Variants in CPA6 observed in about 807,000 individuals in gnomAD.
The protein encoded by CPA6 is carboxypeptidase B.
In CPA6, 58 loss-of-function variants were observed where a neutral mutation model predicts 63.3. The ratio of observed to expected loss-of-function variants is 0.92; its 90% CI spans 0.74 to 1.14. The LOEUF is 1.14. CPA6 is among the 50% of genes most tolerant of loss of function. The pLI is 0.00. For missense variants in CPA6, 565 were observed against 526.6 expected (o/e 1.07, Z -0.71); for synonymous variants, 185 against 179.0 (o/e 1.03, Z -0.27).
chr8:67,504,419 T>C (rs1423456246), intron 6 of CPA6, among the ~76,000 whole-genome samples: 5 of 152,186 alleles, frequency 3.3e-5, no homozygotes, highest in Admixed American at 6.6e-5. Flanking sequence ...GCAAAAGTGA[T>C]ATGAGGTCAC....
chr8:67,607,134 T>C lies in CPA6; in HGVS notation c.192+17042A>G, dbSNP rs868089896. Among the ~76,000 whole-genome samples the C allele has an allele frequency of 2.5e-4, 10 of 39,388 alleles. 1 individual carries two copies. Among genetic ancestry groups the C allele is most frequent in the East Asian group, 1.5e-3 (1 of 686 alleles). 25.8% of individuals were successfully genotyped at this position (39,388 alleles called of 152,430 possible). On this transcript the variant is annotated intron_variant, in intron 2 of 10. Coordinates refer to ENST00000297770, the MANE Select transcript of CPA6 (RefSeq NM_020361.5). ...CTCCTCCTCCTCCTCCTCCTCCTCCTCCCCCTCCTCCCCCCCCTCCTCTTC... is the reference window on the plus strand; with the variant it reads ...CTCCTCCTCCTCCTCCTCCTCCTCCCCCCCCTCCTCCCCCCCCTCCTCTTC...
intron 2 of CPA6, among the ~76,000 whole-genome samples, chr8:67,550,811 G>A (rs192508272): frequency 7.2e-5 from 11 of 152,148 alleles, no homozygotes; most frequent in East Asian, 3.9e-4. Context: ...ATTTTTTCAC[G>A]TGTTTGTTGG....
chr8:67,575,967 G>C (rs1332169423), intron 2 of CPA6, among the ~76,000 whole-genome samples: 1 of 152,142 alleles, frequency 6.6e-6, no homozygotes, highest in East Asian at 1.9e-4. Flanking sequence ...GTTCTCACTT[G>C]ATTTTGGTAT....
chr8:67,594,290 G>A (rs561737559), intron 2 of CPA6, among the ~76,000 whole-genome samples: 3,405 of 152,118 alleles, frequency 0.022, 62 homozygotes, highest in African/African-American at 0.05. Flanking sequence ...TGGGTAACCC[G>A]ACCTTTCTCT....
chr8:67,713,099 G>GTATATATATATATATA (rs67842734), intron 1 of CPA6, among the ~76,000 whole-genome samples: 8 of 55,022 alleles, frequency 1.5e-4, no homozygotes, highest in African/African-American at 3.7e-4. Context: ...GTGTGTGTGT[G>GTATATATATATATATA]TATATATATA....
intron 2 of CPA6, among the ~76,000 whole-genome samples, chr8:67,592,618 G>A (rs540502641): frequency 6.6e-6 from 1 of 151,942 alleles, no homozygotes; most frequent in Non-Finnish European, 1.5e-5. Flanking sequence ...AGTCTTGGGA[G>A]AGTGTATGTG....
Position 67,726,133 on chromosome 8 carries a change from T to C in CPA6, c.116+19881A>G, listed in dbSNP as rs1053834966. On this transcript the variant is annotated intron_variant, in intron 1 of 10. Coordinates refer to ENST00000297770, the MANE Select transcript of CPA6 (RefSeq NM_020361.5). Reference sequence around the variant, plus strand: ...GCCAAGAAAAATGATTTGTAAGTGATTGAAAAATAATTTTTATTCAGAAGC... The same window carrying C: ...GCCAAGAAAAATGATTTGTAAGTGACTGAAAAATAATTTTTATTCAGAAGC... Among the ~76,000 whole-genome samples, 136 of 152,216 alleles carry C rather than the reference T, an allele frequency of 8.9e-4. 3 individuals are homozygous for C. The highest frequency in any genetic ancestry group is 1.0e-4 in the Non-Finnish European group (7 of 68,038).
intron 2 of CPA6, among the ~76,000 whole-genome samples, chr8:67,541,639 G>A (rs1022757115): frequency 4.6e-5 from 7 of 152,160 alleles, no homozygotes; most frequent in East Asian, 3.9e-4. Flanking sequence ...GAGTCTTGCC[G>A]AAGCTCCCGG....
At chr8:67,472,243 T>A (rs1811074075) in intron 8 of CPA6, among the ~76,000 whole-genome samples, 1 of 152,006 alleles carries the variant, frequency 6.6e-6, no homozygotes, top group South Asian at 2.1e-4. Flanking sequence ...AAATAAAAAA[T>A]CAGTAGCTTA....
At chr8:67,470,312 G>A (rs1319447104) in intron 8 of CPA6, among the ~76,000 whole-genome samples, 1 of 152,076 alleles carries the variant, frequency 6.6e-6, no homozygotes, top group Non-Finnish European at 1.5e-5. Context: ...TTACAAGTGT[G>A]AGCCACCACG....
At position 67,667,961 on chromosome 8, in the gene CPA6, C is replaced by T. The variant is rs75155874; in HGVS notation, c.117-43710G>A. Among the ~76,000 whole-genome samples the T allele has an allele frequency of 2.0e-3, 302 of 152,312 alleles. 7 individuals carry two copies. The East Asian group carries it at 0.055, about 28-fold the overall frequency. The stretch of plus-strand genomic sequence containing the variant: ...CAACATGTCTAGCCAGCAGTAGCCA[C>T]GGCCACACATCTATTCTGTGTACAG... On this transcript the variant is annotated intron_variant, in intron 1 of 10. Transcript: ENST00000297770.
chr8:67,494,812 T>C (rs1052775297), intron 6 of CPA6, among the ~76,000 whole-genome samples: 1 of 152,192 alleles, frequency 6.6e-6, no homozygotes, highest in South Asian at 2.1e-4. Context: ...GCTTATGTAA[T>C]ACAGACAAGA....
intron 1 of CPA6, among the ~76,000 whole-genome samples, chr8:67,628,448 C>T (rs1475078220): frequency 3.9e-5 from 6 of 152,186 alleles, no homozygotes; most frequent in Admixed American, 6.5e-5. Flanking sequence ...TTGTACGTTA[C>T]AGAATTTACG....
intron 1 of CPA6, among the ~76,000 whole-genome samples, chr8:67,639,934 C>A (rs1277160505): frequency 1.3e-5 from 2 of 151,296 alleles, no homozygotes; most frequent in African/African-American, 4.9e-5. Flanking sequence ...CAGCTCTCAG[C>A]AGAGAGGGTA....
rs767653104 is a variant in CPA6, at chr8:67,624,020, C to CAAAAT, written c.192+151_192+155dup. 1.5e-4 allele frequency among the ~76,000 whole-genome samples: 23 copies of CAAAAT among 151,632 alleles called. No homozygotes were observed. The East Asian group carries it at 1.6e-3, about 10-fold the overall frequency. On this transcript the variant is annotated intron_variant, in intron 2 of 10. Coordinates refer to ENST00000297770, the MANE Select transcript of CPA6 (RefSeq NM_020361.5). ...TCAAATAAAATAAAATAAAATAAAACAAAATAAAATAAAATAAAATAAAAG... is the reference window on the plus strand; with the variant it reads ...TCAAATAAAATAAAATAAAATAAAACAAAATAAAATAAAATAAAATAAAATAAAAG...
intron 1 of CPA6, among the ~76,000 whole-genome samples, chr8:67,662,975 G>T (rs1398908237): frequency 6.6e-6 from 1 of 152,144 alleles, no homozygotes; most frequent in Non-Finnish European, 1.5e-5. Flanking sequence ...CAAAGTCAAA[G>T]TCTGTTCTCT....
intron 1 of CPA6, among the ~76,000 whole-genome samples, chr8:67,653,695 C>G (rs1297647292): frequency 6.6e-6 from 1 of 152,112 alleles, no homozygotes; most frequent in African/African-American, 2.4e-5. Flanking sequence ...CAAACATGGA[C>G]AATTTGACTT....
chr8:67,699,579 GT>G (rs2128998466), intron 1 of CPA6, among the ~76,000 whole-genome samples: 1 of 151,356 alleles, frequency 6.6e-6, no homozygotes, highest in South Asian at 2.1e-4. Context: ...AGTGATTTAT[GT>G]TTTTTCTTCT....
At chr8:67,701,788 T>G (rs1471458625) in intron 1 of CPA6, among the ~76,000 whole-genome samples, 1 of 152,176 alleles carries the variant, frequency 6.6e-6, no homozygotes, top group Non-Finnish European at 1.5e-5. Flanking sequence ...GAAGCCTCAT[T>G]TATGAAGTTT....
Sources: gnomAD v4.1 joint callset for allele counts (sites outside exome capture counted in the v4.1 genomes callset) on GRCh38, gnomAD v4.1.1 for gene constraint, MANE v1.5 for transcripts, NCBI Gene and HGNC (gene_info 2026-07-23, HGNC 2026-07-21) for gene names.